The following DIS3L2 variants were observed in gnomAD, a reference collection of about 807,000 sequenced individuals.
DIS3L2 encodes DIS3 like 3'-5' exoribonuclease 2.
In DIS3L2, 34 loss-of-function variants were observed where a neutral mutation model predicts 97.5. The observed-to-expected ratio is 0.35, with a 90% CI of 0.27 to 0.46. The LOEUF is 0.46. DIS3L2 is among the 20% of genes least tolerant of loss of function. The pLI, the probability that DIS3L2 is intolerant of heterozygous loss-of-function variation, is 1.00. For missense variants in DIS3L2, 1,038 were observed against 1,146.0 expected (o/e 0.91, Z 1.36); for synonymous variants, 435 against 445.2 (o/e 0.98, Z 0.29).
chr2:232,088,801 T>G (rs1353023318), intron 6 of DIS3L2, among the ~76,000 whole-genome samples: 1 of 152,100 alleles, frequency 6.6e-6, no homozygotes, highest in Non-Finnish European at 1.5e-5. Context: ...AGGAAAATAT[T>G]AAGTACAATT....
At chr2:232,111,727 A>G (rs1051434517) in intron 6 of DIS3L2, among the ~76,000 whole-genome samples, 3 of 152,174 alleles carry the variant, frequency 2.0e-5, no homozygotes, top group African/African-American at 4.8e-5. Context: ...GCCTCTTCCC[A>G]TAAGCCCATG....
chr2:232,134,007 A>T (rs1698289362), intron 7 of DIS3L2, among the ~76,000 whole-genome samples: 1 of 151,436 alleles, frequency 6.6e-6, no homozygotes, highest in Admixed American at 6.6e-5. Context: ...AAAAAATTAT[A>T]TAAAGGACCA....
intron 8 of DIS3L2, among the ~76,000 whole-genome samples, chr2:232,157,262 TG>T (rs975513320): frequency 4.9e-4 from 75 of 152,274 alleles, no homozygotes; most frequent in African/African-American, 1.5e-3. Context: ...ATATTTTATG[TG>T]TGGGTCTTAA....
At chr2:232,045,292 G>GT (rs1029225958) in intron 5 of DIS3L2, among the ~76,000 whole-genome samples, 26 of 152,284 alleles carry the variant, frequency 1.7e-4, no homozygotes, top group African/African-American at 5.3e-4. Context: ...GTGAGCAGAG[G>GT]TAAGTTCTTG....
chr2:232,299,729 A>G (rs1300122145), intron 13 of DIS3L2, among the ~76,000 whole-genome samples: 1 of 152,216 alleles, frequency 6.6e-6, no homozygotes, highest in Non-Finnish European at 1.5e-5. Flanking sequence ...GCTAGACGGT[A>G]AGACCCATGA....
At chr2:232,161,942 T>G (rs1483326852) in intron 8 of DIS3L2, among the ~76,000 whole-genome samples, 3 of 152,040 alleles carry the variant, frequency 2.0e-5, no homozygotes, top group African/African-American at 7.2e-5. Context: ...CCAGCTAATT[T>G]TTGTATTTTT....
At chr2:232,049,951 T>G (rs1458213791) in intron 5 of DIS3L2, among the ~76,000 whole-genome samples, 1 of 152,206 alleles carries the variant, frequency 6.6e-6, no homozygotes, top group Non-Finnish European at 1.5e-5. Flanking sequence ...CATGCTCCTG[T>G]TTCTTTTCCT....
rs1696703009 is a variant in DIS3L2, at chr2:232,087,610, G to A, written c.490G>A (p.Val164Ile). ...SLKSYNDSPDVIVEAQFDGSD... is the reference protein window; with the variant it reads ...SLKSYNDSPDIIVEAQFDGSD... The stretch of plus-strand genomic sequence containing the variant: ...GAAAAGCTATAATGACAGTCCTGAT[G>A]TCATTGTAGAGGCTCAGTTTGATGG... The change falls in exon 6 of 21, where the codon GTC becomes ATC. Residue 164 changes from valine to isoleucine, a missense_variant. Val to Ile is a conservative substitution (Grantham distance 29, BLOSUM62 3). This residue lies in a region of DIS3L2 where 813 missense variants were observed against 880.1 expected (regional missense o/e 0.92). Transcript: ENST00000325385. 6.2e-7 allele frequency: 1 copy of A among 1,614,154 alleles called. No homozygotes were observed.
intron 13 of DIS3L2, among the ~76,000 whole-genome samples, chr2:232,289,249 GT>G (rs1031812345): frequency 7.6e-4 from 108 of 142,394 alleles, no homozygotes; most frequent in Admixed American, 2.2e-3. Flanking sequence ...TTTGTTTTTT[GT>G]TTTTTTTTTT....
intron 9 of DIS3L2, among the ~76,000 whole-genome samples, chr2:232,165,104 T>C (rs2106378366): frequency 6.6e-6 from 1 of 152,356 alleles, no homozygotes; most frequent in East Asian, 1.9e-4. Context: ...AGAATGTTCA[T>C]TGCTGTCTTG....
At position 232,276,335 on chromosome 2, in the gene DIS3L2, C is replaced by G. The variant is rs75633717; in HGVS notation, c.1659+12895C>G. ...ACAGGGCGCTCTCCCCTTTCATTCT[C>G]CTGCCTGCCACCTGCCAGCCAAGCT... is the stretch of plus-strand genomic sequence containing the variant. On this transcript the variant is annotated intron_variant, in intron 13 of 20. Transcript: ENST00000325385. The surrounding 1 kb of genome is among the most constrained non-coding windows in gnomAD (Gnocchi z 4.4). Among the ~76,000 whole-genome samples the G allele has an allele frequency of 2.6e-4, 40 of 152,350 alleles. 2 individuals carry two copies. The East Asian group carries it at 7.1e-3, about 27-fold the overall frequency.
intron 4 of DIS3L2, among the ~76,000 whole-genome samples, chr2:232,027,397 A>G (rs1694688222): frequency 6.6e-6 from 1 of 152,216 alleles, no homozygotes; most frequent in Non-Finnish European, 1.5e-5. Flanking sequence ...TAGGAGCATA[A>G]AGGCAGGAAT....
chr2:232,241,533 T>G (rs564841886), intron 11 of DIS3L2, among the ~76,000 whole-genome samples: 1 of 152,366 alleles, frequency 6.6e-6, no homozygotes, highest in East Asian at 1.9e-4. Context: ...TAAATGAAAT[T>G]CTTTTTGTTG....
chr2:232,286,385 G>A (rs1267298956), intron 13 of DIS3L2, among the ~76,000 whole-genome samples: 1 of 150,342 alleles, frequency 6.7e-6, no homozygotes, highest in African/African-American at 2.5e-5. Context: ...GTATCTTCCT[G>A]CTGCGGCCCA....
At chr2:232,167,708 TAG>T (rs1208453951) in intron 9 of DIS3L2, among the ~76,000 whole-genome samples, 1 of 152,214 alleles carries the variant, frequency 6.6e-6, no homozygotes, top group African/African-American at 2.4e-5. Flanking sequence ...ATTAAAAAAA[TAG>T]ATTTATAATC....
chr2:232,011,795 G>A (rs142725123), intron 1 of DIS3L2, among the ~76,000 whole-genome samples: 1,608 of 152,152 alleles, frequency 0.011, 27 homozygotes, highest in African/African-American at 0.036. Context: ...GATTACAGGC[G>A]CATGCCACCT....
intron 6 of DIS3L2, among the ~76,000 whole-genome samples, chr2:232,108,582 T>C (rs966722058): frequency 6.6e-5 from 10 of 152,144 alleles, no homozygotes; most frequent in African/African-American, 9.7e-5. Flanking sequence ...GAAATAAAGG[T>C]ATTTAAATAG....
intron 6 of DIS3L2, among the ~76,000 whole-genome samples, chr2:232,098,951 A>G (rs1316708179): frequency 6.6e-6 from 1 of 152,174 alleles, no homozygotes; most frequent in Non-Finnish European, 1.5e-5. Context: ...GATCACAAAG[A>G]TATTCTCCCT....
chr2:232,087,763 T>C (rs1319109571), intron 6 of DIS3L2, 42 bp downstream of exon 6: 9 of 1,443,394 alleles, frequency 6.2e-6, no homozygotes, highest in Non-Finnish European at 8.7e-6. Flanking sequence ...TTAAGTACAC[T>C]GATTAAGTAT....
Sources: allele counts gnomAD v4.1 joint callset (sites outside exome capture counted in the v4.1 genomes callset), GRCh38; gene constraint gnomAD v4.1.1; regional missense constraint gnomAD v4.1.1; non-coding constraint Gnocchi (gnomAD v3.1); transcripts MANE v1.5; gene names NCBI Gene and HGNC (gene_info 2026-07-23, HGNC 2026-07-21).